Variants in CILK1 observed in about 807,000 individuals in gnomAD.
The protein encoded by CILK1 is ciliogenesis associated kinase 1, also known as serine/threonine-protein kinase ICK.
A neutral mutation model predicts 79.2 loss-of-function variants in CILK1; 47 were observed. The observed-to-expected ratio is 0.59, with a 90% confidence interval of 0.47 to 0.76. CILK1 has a LOEUF of 0.76. Among genes scored for constraint, CILK1 ranks in the 30% least tolerant of loss-of-function variants. CILK1 has a pLI of 0.00. For missense variants in CILK1, 660 were observed against 769.5 expected (o/e 0.86, Z 1.68); for synonymous variants, 266 against 275.9 (o/e 0.96, Z 0.36).
intron 1 of CILK1, among the ~76,000 whole-genome samples, chr6:53,052,830 T>C (rs1175041381): frequency 2.0e-5 from 3 of 152,040 alleles, no homozygotes; most frequent in African/African-American, 7.2e-5. Flanking sequence ...CTGGGGTCCT[T>C]AGCCCTTCAC....
intron 6 of CILK1, 89 bp from the exon 7 acceptor site, chr6:53,018,590 T>A: frequency 7.8e-7 from 1 of 1,281,820 alleles, no homozygotes; most frequent in Non-Finnish European, 1.1e-6. Flanking sequence ...AGGGGGTGTA[T>A]ATGTTCCTAT....
chr6:53,005,042 T>C lies in CILK1; in HGVS notation c.*107A>G. 2 of 1,249,396 alleles carry C rather than the reference T, an allele frequency of 1.6e-6. No homozygotes were observed. The highest frequency in any genetic ancestry group is 2.3e-5 in the East Asian group (1 of 43,042). The allele number at this position is 1,249,396 out of a possible 1,614,324, so 77.4% of individuals were successfully genotyped here. ...AGTTCAGAAGAATAACTATAAAGTG[T>C]TGATTTGCTTTTATGCCCTCTGCAC... On this transcript the variant is annotated 3_prime_UTR_variant, in exon 14 of 14. Transcript: ENST00000676107.
intron 9 of CILK1, 121 bp downstream of exon 9, chr6:53,013,541 G>T: frequency 1.1e-6 from 1 of 939,486 alleles, no homozygotes; most frequent in South Asian, 1.5e-5. Flanking sequence ...CCATGCTGTT[G>T]CAAACATAAA....
chr6:53,015,616 A>ATGCACAGTGCTATG (rs1198359013), intron 8 of CILK1, among the ~76,000 whole-genome samples: 1 of 152,242 alleles, frequency 6.6e-6, no homozygotes, highest in East Asian at 1.9e-4. Flanking sequence ...TGCACACTGT[A>ATGCACAGTGCTATG]AAGTGCTATG....
intron 5 of CILK1, among the ~76,000 whole-genome samples, chr6:53,021,695 A>G (rs1384314280): frequency 6.6e-6 from 1 of 152,034 alleles, no homozygotes; most frequent in African/African-American, 2.4e-5. Context: ...GACTGCATAT[A>G]TGATGGTGGT....
chr6:53,033,951 A>T (rs1766140624), intron 3 of CILK1, among the ~76,000 whole-genome samples: 1 of 152,148 alleles, frequency 6.6e-6, no homozygotes, highest in South Asian at 2.1e-4. Context: ...GTTTTGGCCA[A>T]TTGTTTTGCT....
rs569372993 is a variant in CILK1, at chr6:53,004,980, T to A, written c.*169A>T. 3.8e-4 allele frequency: 259 copies of A among 683,936 alleles called. 3 individuals carry two copies. Among genetic ancestry groups the A allele is most frequent in the Admixed American group, 1.5e-3 (50 of 33,872 alleles). 42.4% of individuals were successfully genotyped at this position (683,936 alleles called of 1,614,324 possible). On this transcript the variant is annotated 3_prime_UTR_variant, in exon 14 of 14. Coordinates refer to ENST00000676107, the MANE Select transcript of CILK1 (RefSeq NM_014920.5). ...GCCTACTGCATTCAAATCAATATTTTAAAAAAAAACTTTAAAAAAGAATAT... is the reference window on the plus strand; with the variant it reads ...GCCTACTGCATTCAAATCAATATTTAAAAAAAAAACTTTAAAAAAGAATAT...
At chr6:53,039,539 C>G (rs927254818) in intron 2 of CILK1, among the ~76,000 whole-genome samples, 49 of 152,128 alleles carry the variant, frequency 3.2e-4, no homozygotes, top group African/African-American at 1.1e-3. Flanking sequence ...ATGAGTAAGC[C>G]AATAACAGGG....
chr6:53,032,801 T>A (rs1195585200), intron 3 of CILK1, 147 bp from the exon 4 acceptor site: 2 of 578,200 alleles, frequency 3.5e-6, no homozygotes, highest in Non-Finnish European at 5.9e-6. Flanking sequence ...ATTGACAGTT[T>A]AATAGTATAC....
At chr6:53,006,988 T>C (rs547454396) in intron 12 of CILK1, among the ~76,000 whole-genome samples, 15 of 152,356 alleles carry the variant, frequency 9.8e-5, no homozygotes, top group African/African-American at 3.1e-4. Flanking sequence ...TTTTATGTCA[T>C]TTCCACTTGG....
rs78118284 is a variant in CILK1 at position 53,009,747 on chromosome 6, T to G, written c.1493-180A>C. Among the ~76,000 whole-genome samples, 240 of 152,352 alleles carry G rather than the reference T, an allele frequency of 1.6e-3. 2 individuals are homozygous for G. In the East Asian group the frequency reaches 0.02, roughly 12 times the overall value. ...TGTCCGAGGAAAGATATCTCACTGGTTGGTGGCCCGAGAGAGGCCTCTTAT... is the reference window on the plus strand; with the variant it reads ...TGTCCGAGGAAAGATATCTCACTGGGTGGTGGCCCGAGAGAGGCCTCTTAT... On this transcript the variant is annotated intron_variant, in intron 11 of 13. Transcript: ENST00000676107.
rs1763938063 is a variant in CILK1, at chr6:53,001,418, G to A, written c.*3731C>T. The A allele has an allele frequency of 6.6e-6, 1 of 152,112 alleles. No homozygotes were observed. Among genetic ancestry groups the A allele is most frequent in the African/African-American group, 2.4e-5 (1 of 41,380 alleles). 9.4% of individuals were successfully genotyped at this position (152,112 alleles called of 1,614,324 possible). On this transcript the variant is annotated 3_prime_UTR_variant, in exon 14 of 14. Coordinates refer to ENST00000676107, the MANE Select transcript of CILK1 (RefSeq NM_014920.5). ...AAAGCAACATTTTTTATTTCAGAAG[G>A]GTCTTGCTTAAGTGGTTTTCTGAAT... is the stretch of plus-strand genomic sequence containing the variant.
chr6:53,033,549 TA>T (rs10708863), intron 3 of CILK1, among the ~76,000 whole-genome samples: 141,330 of 152,206 alleles, frequency 0.93, 65,702 homozygotes, highest in East Asian at 1. Flanking sequence ...CAGAATCTGA[TA>T]AGACTGTCTC....
chr6:53,024,387 A>T (rs1390693360), intron 5 of CILK1, among the ~76,000 whole-genome samples: 1 of 152,252 alleles, frequency 6.6e-6, no homozygotes, highest in East Asian at 1.9e-4. Flanking sequence ...GCTTATGATC[A>T]GCCTAATTAA....
At chr6:53,052,936 C>A (rs2127467293) in intron 1 of CILK1, among the ~76,000 whole-genome samples, 1 of 151,388 alleles carries the variant, frequency 6.6e-6, no homozygotes, top group Non-Finnish European at 1.5e-5. Flanking sequence ...TTGCCACTTG[C>A]CATTTTTTTT....
rs536896150 is a variant in CILK1 at position 53,039,595 on chromosome 6, C to G, written c.101+1541G>C. 2.6e-5 allele frequency among the ~76,000 whole-genome samples: 4 copies of G among 152,284 alleles called. 1 individual carries two copies. The South Asian group carries it at 6.2e-4, about 24-fold the overall frequency. The stretch of plus-strand genomic sequence containing the variant: ...GCTGGGGACCTTTTAAGGAGCTGGA[C>G]AGAATGCACCTTGGTTGAAAGTCTC... On this transcript the variant is annotated intron_variant, in intron 2 of 13. Coordinates refer to ENST00000676107, the MANE Select transcript of CILK1 (RefSeq NM_014920.5).
At chr6:53,053,641 A>G (rs1354399442) in intron 1 of CILK1, among the ~76,000 whole-genome samples, 1 of 152,252 alleles carries the variant, frequency 6.6e-6, no homozygotes, top group Non-Finnish European at 1.5e-5. Context: ...TCAAAAGATC[A>G]TGAAATCTTT....
chr6:53,055,603 T>C (rs1767799595), intron 1 of CILK1, among the ~76,000 whole-genome samples: 1 of 152,228 alleles, frequency 6.6e-6, no homozygotes, highest in South Asian at 2.1e-4. Context: ...TGCCTTCTTC[T>C]GTGCCCCAGA....
At chr6:53,030,799 C>T (rs1472545967) in intron 5 of CILK1, among the ~76,000 whole-genome samples, 2 of 152,122 alleles carry the variant, frequency 1.3e-5, no homozygotes, top group Non-Finnish European at 2.9e-5. Flanking sequence ...ACATACTACT[C>T]AATGGTCAGA....
Sources: allele counts gnomAD v4.1 joint callset (sites outside exome capture counted in the v4.1 genomes callset), GRCh38; gene constraint gnomAD v4.1.1; transcripts MANE v1.5; gene names NCBI Gene and HGNC (gene_info 2026-07-23, HGNC 2026-07-21).